HNRNPR: variants seen among roughly 807,000 people sequenced by gnomAD.
HNRNPR encodes heterogeneous nuclear ribonucleoprotein R.
A neutral mutation model predicts 70.3 loss-of-function variants in HNRNPR; 4 were observed. That is an observed-to-expected ratio of 0.06 (90% CI 0.03 to 0.13). The LOEUF (loss-of-function observed/expected upper bound fraction) is 0.13, where lower values mean the gene tolerates loss of function less well. HNRNPR is among the 10% of genes least tolerant of loss of function. The pLI is 1.00. For missense variants in HNRNPR, 423 were observed against 788.5 expected, an observed-to-expected ratio of 0.54 and a Z score of 5.55; for synonymous variants, 241 against 267.6, an observed-to-expected ratio of 0.90 and a Z score of 0.97.
chr1:23,331,139 T>C (rs1340314222), intron 5 of HNRNPR, among the ~76,000 whole-genome samples: 1 of 152,190 alleles, frequency 6.6e-6, no homozygotes, highest in Admixed American at 6.5e-5. Context: ...TGGAATCATA[T>C]TTGCTGTATA....
chr1:23,307,517 T>C lies in HNRNPR; in HGVS notation c.*2937A>G, dbSNP rs990556092. 2.0e-5 allele frequency: 3 copies of C among 152,072 alleles called. No individual in the cohort carries two copies. The highest frequency in any genetic ancestry group is 4.4e-5 in the Non-Finnish European group (3 of 67,968). The allele number at this position is 152,072 out of a possible 1,614,324, so 9.4% of individuals were successfully genotyped here. A position where few individuals can be genotyped will look rare whatever the true frequency, so the allele number is the denominator to read the frequency against. ...ACTAAAAAAACCTGAAAAACAATTATGCTGAACTCATTTTAAAAAAACTAC... is the reference window on the plus strand; with the variant it reads ...ACTAAAAAAACCTGAAAAACAATTACGCTGAACTCATTTTAAAAAAACTAC... On this transcript the variant is annotated 3_prime_UTR_variant, in exon 11 of 11. Transcript: ENST00000302271.
rs869203047 is a variant in HNRNPR, at chr1:23,336,571, C to CAAAA, written c.384+1179_384+1182dup. Among the ~76,000 whole-genome samples the CAAAA allele has an allele frequency of 1.9e-4, 8 of 41,178 alleles. 1 individual carries two copies. Among genetic ancestry groups the CAAAA allele is most frequent in the African/African-American group, 4.7e-4 (5 of 10,730 alleles). The allele number at this position is 41,178 out of a possible 152,430, so 27.0% of individuals were successfully genotyped here. ...TGGGCGACAGAGGGAGACTCCGTCT[C>CAAAA]AAAAAAAAAAAAAAAAAAAAAAAAA... On this transcript the variant is annotated intron_variant, in intron 4 of 10. Coordinates refer to ENST00000302271, the MANE Select transcript of HNRNPR (RefSeq NM_005826.5).
chr1:23,316,225 A>C (rs1310495737), intron 8 of HNRNPR, among the ~76,000 whole-genome samples: 1 of 152,216 alleles, frequency 6.6e-6, no homozygotes, highest in Non-Finnish European at 1.5e-5. Context: ...GGGACGCTTA[A>C]GCCCAGGAGT....
chr1:23,315,278 T>C, intron 8 of HNRNPR, among the ~76,000 whole-genome samples: 1 of 78,854 alleles, frequency 1.3e-5, no homozygotes, highest in African/African-American at 9.3e-5. Flanking sequence ...AGGCTCCGTC[T>C]CAAAAAAAAA....
chr1:23,343,297 T>G (rs553219317), intron 1 of HNRNPR, among the ~76,000 whole-genome samples: 3 of 152,234 alleles, frequency 2.0e-5, no homozygotes, highest in Non-Finnish European at 4.4e-5. Flanking sequence ...GTGCAAATTC[T>G]TCATATTAAG....
In HNRNPR at chr1:23,309,208, C is replaced by A. The variant is rs1645252559; in HGVS notation, c.*1246G>T. On this transcript the variant is annotated 3_prime_UTR_variant, in exon 11 of 11. Transcript: ENST00000302271. ...TACTACTGGATATTTTTAAGCCTCT[C>A]TTACAAGGCATGAATGTTTCTCAAA... The A allele has an allele frequency of 1.3e-5, 2 of 152,126 alleles. No homozygotes were observed. The allele number at this position is 152,126 out of a possible 1,614,324, so 9.4% of individuals were successfully genotyped here.
At chr1:23,332,319 T>C (rs1200248038) in intron 5 of HNRNPR, among the ~76,000 whole-genome samples, 1 of 151,808 alleles carries the variant, frequency 6.6e-6, no homozygotes, top group Non-Finnish European at 1.5e-5. Flanking sequence ...CGCCCATCAA[T>C]AATATCTCTC....
intron 7 of HNRNPR, among the ~76,000 whole-genome samples, chr1:23,320,948 C>T (rs1042563536): frequency 4.6e-5 from 7 of 152,014 alleles, no homozygotes; most frequent in Admixed American, 3.9e-4. Context: ...GGGAGGATCA[C>T]CAGAGGTCGG....
intron 1 of HNRNPR, among the ~76,000 whole-genome samples, chr1:23,342,191 C>T (rs1460699538): frequency 6.6e-6 from 1 of 152,208 alleles, no homozygotes; most frequent in African/African-American, 2.4e-5. Flanking sequence ...AAGATAACCA[C>T]ACTTCCCGAC....
In HNRNPR at chr1:23,333,636, A is replaced by G. The variant is rs761490025; in HGVS notation, c.385-5T>C. 1.3e-6 allele frequency: 2 copies of G among 1,500,232 alleles called. No homozygotes were observed. Among genetic ancestry groups the G allele is most frequent in the South Asian group, 2.3e-5 (2 of 88,786 alleles). The allele number at this position is 1,500,232 out of a possible 1,614,324, so 92.9% of individuals were successfully genotyped here. On this transcript the variant is annotated splice_polypyrimidine_tract_variant and splice_region_variant and intron_variant, in intron 4 of 10. Transcript: ENST00000302271. ...ACCAGTTCTCTCAAGCAAGGCCTAGAGATAATTATACATCTCTTTATACTT... is the reference window on the plus strand; with the variant it reads ...ACCAGTTCTCTCAAGCAAGGCCTAGGGATAATTATACATCTCTTTATACTT...
chr1:23,334,403 AT>A (rs552194708), intron 4 of HNRNPR, among the ~76,000 whole-genome samples: 72 of 151,560 alleles, frequency 4.8e-4, no homozygotes, highest in Non-Finnish European at 8.8e-4. Flanking sequence ...CGCCCGGCTA[AT>A]TTTTTGTATT....
chr1:23,332,906 G>A (rs562064203), intron 5 of HNRNPR, among the ~76,000 whole-genome samples: 85 of 151,568 alleles, frequency 5.6e-4, no homozygotes, highest in South Asian at 2.7e-3. Context: ...AAAAGCAGCC[G>A]GGTGTGGAGG....
At chr1:23,331,556 G>A (rs1016597684) in intron 5 of HNRNPR, among the ~76,000 whole-genome samples, 4 of 152,102 alleles carry the variant, frequency 2.6e-5, no homozygotes, top group South Asian at 2.1e-4. Context: ...CAGGTGTGGC[G>A]GCGGATGCCT....
intron 5 of HNRNPR, among the ~76,000 whole-genome samples, chr1:23,328,189 AAC>A (rs1646073056): frequency 6.6e-6 from 1 of 152,130 alleles, no homozygotes; most frequent in Non-Finnish European, 1.5e-5. Context: ...GAGTAAGTTA[AAC>A]CATGGTTAGG....
At chr1:23,336,000 C>T (rs1268828327) in intron 4 of HNRNPR, among the ~76,000 whole-genome samples, 1 of 146,630 alleles carries the variant, frequency 6.8e-6, no homozygotes, top group African/African-American at 2.5e-5. Flanking sequence ...GCCTGTAGTC[C>T]CAGCTACTCG....
chr1:23,315,648 G>A (rs532254748), intron 8 of HNRNPR, among the ~76,000 whole-genome samples: 1 of 152,250 alleles, frequency 6.6e-6, no homozygotes, highest in East Asian at 1.9e-4. Context: ...CACAGGGATA[G>A]GGGTAGAAAG....
rs1352100249 is a variant in HNRNPR at position 23,307,979 on chromosome 1, T to C, written c.*2475A>G. 1 of 152,052 alleles carries C rather than the reference T, an allele frequency of 6.6e-6. No homozygotes were observed. The highest frequency in any genetic ancestry group is 2.4e-5 in the African/African-American group (1 of 41,430). 9.4% of individuals were successfully genotyped at this position (152,052 alleles called of 1,614,324 possible). A position where few individuals can be genotyped will look rare whatever the true frequency, so the allele number is the denominator to read the frequency against. ...AACTGACATTTTTCAGGTTTATATA[T>C]TACACTGTTAGATTTATTTATGTGA... On this transcript the variant is annotated 3_prime_UTR_variant, in exon 11 of 11. Coordinates refer to ENST00000302271, the MANE Select transcript of HNRNPR (RefSeq NM_005826.5).
At chr1:23,320,822 T>C (rs981959397) in intron 7 of HNRNPR, among the ~76,000 whole-genome samples, 4 of 152,218 alleles carry the variant, frequency 2.6e-5, no homozygotes, top group South Asian at 2.1e-4. Flanking sequence ...AGAACTGTGA[T>C]ATAAAATCTA....
At chr1:23,323,809 TTA>T in intron 5 of HNRNPR, 77 bp from the exon 6 acceptor site, 1 of 1,173,284 alleles carries the variant, frequency 8.5e-7, no homozygotes, top group Non-Finnish European at 1.3e-6. Context: ...CCTTTTTTTT[TTA>T]AAGATGGGGG....
Sources: gnomAD v4.1 joint callset for allele counts (sites outside exome capture counted in the v4.1 genomes callset) on GRCh38, gnomAD v4.1.1 for gene constraint, MANE v1.5 for transcripts, NCBI Gene and HGNC (gene_info 2026-07-23, HGNC 2026-07-21) for gene names.